Variants in USP16 observed in about 807,000 individuals in gnomAD.
The protein encoded by USP16 is ubiquitin carboxyl-terminal hydrolase 16.
A neutral mutation model predicts 95.9 loss-of-function variants in USP16; 77 were observed. That is an observed-to-expected ratio of 0.80 (90% CI 0.67 to 0.97). The LOEUF is 0.97. Ranked by LOEUF, USP16 falls within the 50% of genes least tolerant of loss-of-function variation. The pLI, the probability that USP16 is intolerant of heterozygous loss-of-function variation, is 0.00. For synonymous variants in USP16, 303 were observed against 318.2 expected, an observed-to-expected ratio of 0.95 and a Z score of 0.51; for missense variants, 943 against 959.9, an observed-to-expected ratio of 0.98 and a Z score of 0.23.
At chr21:29,028,797 A>T (rs2085033251) in intron 2 of USP16, among the ~76,000 whole-genome samples, 1 of 152,206 alleles carries the variant, frequency 6.6e-6, no homozygotes, top group Admixed American at 6.5e-5. Context: ...TATATTTCAT[A>T]ATTTATTTAG....
chr21:29,037,445 C>G lies in USP16; in HGVS notation c.618C>G (p.Phe206Leu). ...KGLSNLGNTC[F>L]FNAVMQNLSQ... The stretch of plus-strand genomic sequence containing the variant: ...TCAGTAATTTGGGAAACACATGTTT[C>G]TTCAATGCAGTTATGCAGGTACATT... The change falls in exon 6 of 18, where the codon TTC (phenylalanine) becomes TTG (leucine). Residue 206 changes from phenylalanine to leucine, a missense_variant. By Grantham distance (22) the Phe-to-Leu change is conservative (BLOSUM62 0). Transcript: ENST00000399976. 1 of 1,593,448 alleles carries G rather than the reference C, an allele frequency of 6.3e-7. No homozygotes were observed.
chr21:29,041,281 T>C (rs1194633724), intron 10 of USP16, among the ~76,000 whole-genome samples: 1 of 152,208 alleles, frequency 6.6e-6, no homozygotes, highest in African/African-American at 2.4e-5. Flanking sequence ...CTTGGTGCCC[T>C]TTAGAGCCTG....
intron 15 of USP16, among the ~76,000 whole-genome samples, chr21:29,049,249 A>G (rs996489341): frequency 6.6e-6 from 1 of 152,150 alleles, no homozygotes; most frequent in African/African-American, 2.4e-5. Context: ...TTGGATTGTC[A>G]TCATTTTGGT....
At chr21:29,029,196 G>A (rs1308661349) in intron 2 of USP16, among the ~76,000 whole-genome samples, 4 of 152,218 alleles carry the variant, frequency 2.6e-5, no homozygotes, top group Non-Finnish European at 4.4e-5. Flanking sequence ...GGCAGATCAC[G>A]AGGTCAGGAG....
At chr21:29,049,850 C>T (rs946554389) in intron 15 of USP16, among the ~76,000 whole-genome samples, 2 of 152,172 alleles carry the variant, frequency 1.3e-5, no homozygotes, top group Admixed American at 6.5e-5. Context: ...CATGTGCCAT[C>T]GTGTCCAGCT....
chr21:29,027,235 A>G (rs1338837430), intron 1 of USP16, among the ~76,000 whole-genome samples: 3 of 152,232 alleles, frequency 2.0e-5, no homozygotes, highest in Non-Finnish European at 2.9e-5. Flanking sequence ...TAGCCTTCCA[A>G]AGTGGTTTTG....
rs141602051 is a variant in USP16 at position 29,025,985 on chromosome 21, A to G, written c.-42+1208A>G. On this transcript the variant is annotated intron_variant, in intron 1 of 17. Transcript: ENST00000399976. The stretch of plus-strand genomic sequence containing the variant: ...TATGGGATAAGGGGACAAGATGACT[A>G]GAGCATACCATAAATACTGGGGAAG... 7.2e-3 allele frequency among the ~76,000 whole-genome samples: 1,097 copies of G among 152,378 alleles called. 12 individuals carry two copies. The highest frequency in any genetic ancestry group is 0.025 in the African/African-American group (1,039 of 41,586).
intron 3 of USP16, among the ~76,000 whole-genome samples, chr21:29,034,592 C>T (rs980773544): frequency 2.6e-5 from 4 of 152,118 alleles, no homozygotes; most frequent in African/African-American, 7.2e-5. Flanking sequence ...GCTGGGATTA[C>T]AGGTGTGAGC....
At chr21:29,033,455 C>T (rs934061844) in intron 3 of USP16, among the ~76,000 whole-genome samples, 2 of 152,288 alleles carry the variant, frequency 1.3e-5, no homozygotes, top group Non-Finnish European at 2.9e-5. Context: ...AATGGAAACA[C>T]GACCGGTTGT....
chr21:29,043,301 A>G, intron 12 of USP16, 122 bp from the exon 13 acceptor site: 3 of 676,736 alleles, frequency 4.4e-6, no homozygotes, highest in Non-Finnish European at 2.1e-6. Flanking sequence ...ATTTTCAAAT[A>G]TTGTGGAAAA....
At chr21:29,036,926 A>G (rs2085165928) in intron 5 of USP16, among the ~76,000 whole-genome samples, 2 of 152,208 alleles carry the variant, frequency 1.3e-5, no homozygotes, top group African/African-American at 4.8e-5. Context: ...AATTTATTTC[A>G]TGTCCATGTT....
intron 6 of USP16, among the ~76,000 whole-genome samples, chr21:29,037,812 CTGGGCTT>C (rs2085183981): frequency 6.6e-6 from 1 of 152,156 alleles, no homozygotes; most frequent in African/African-American, 2.4e-5. Context: ...TCTTGAACTC[CTGGGCTT>C]AAGCCGTCCA....
At chr21:29,036,187 C>T in intron 4 of USP16, 84 bp from the exon 5 acceptor site, 2 of 1,171,464 alleles carry the variant, frequency 1.7e-6, no homozygotes, top group African/African-American at 3.1e-5. Context: ...GGCAGTTACA[C>T]ACTTTGATTC....
chr21:29,030,482 G>T (rs1009654650), intron 2 of USP16, 113 bp from the exon 3 acceptor site: 49 of 953,956 alleles, frequency 5.1e-5, no homozygotes, highest in Non-Finnish European at 5.9e-5. Flanking sequence ...TATCTTAACA[G>T]TTTATAGAGT....
In USP16 at chr21:29,046,813, G is replaced by A. The variant is rs778648132; in HGVS notation, c.1503G>A (p.Glu501=). The change falls in exon 14 of 18, where the codon GAG becomes GAA. Residue 501 remains glutamate (E), a synonymous_variant. Coordinates refer to ENST00000399976, the MANE Select transcript of USP16 (RefSeq NM_006447.3). The part of the protein sequence containing the change: ...VNIKSNHISQ[E]GVMHKEYCVN... ...TTAAATCCAACCATATTTCACAAGA[G>A]GGTGTTATGCATAAAGAATATTGTG... The A allele has an allele frequency of 2.5e-6, 4 of 1,614,108 alleles. No individual in the cohort carries two copies. In the South Asian group the frequency reaches 4.4e-5, roughly 18 times the overall value.
At chr21:29,044,050 A>G (rs2085284997) in intron 13 of USP16, among the ~76,000 whole-genome samples, 1 of 151,912 alleles carries the variant, frequency 6.6e-6, no homozygotes, top group African/African-American at 2.4e-5. Context: ...CTCGTGCCTC[A>G]GCCTCCTGAG....
intron 6 of USP16, among the ~76,000 whole-genome samples, chr21:29,038,012 A>G (rs1185520146): frequency 6.6e-6 from 1 of 152,250 alleles, no homozygotes; most frequent in African/African-American, 2.4e-5. Flanking sequence ...GAGGAAACAC[A>G]GGATAACCTC....
Position 29,047,019 on chromosome 21 carries a change from T to C in USP16, c.1709T>C (p.Val570Ala). 4 of 1,614,132 alleles carry C rather than the reference T, an allele frequency of 2.5e-6. No individual in the cohort carries two copies. The highest frequency in any genetic ancestry group is 3.4e-6 in the Non-Finnish European group (4 of 1,180,026). ...CTAACGGAAGGGAGCAATGGAGAAG[T>C]GGACATTTCCAATGGTTTCAAAAAC... ...AYLTEGSNGEVDISNGFKNLN... is the reference protein window; with the variant it reads ...AYLTEGSNGEADISNGFKNLN... Residue 570 changes from valine to alanine, a missense_variant, in exon 14 of 18, where the codon GTG becomes GCG. Transcript: ENST00000399976.
Position 29,040,710 on chromosome 21 carries a change from A to G in USP16, c.1030+23A>G, listed in dbSNP as rs754636715. On this transcript the variant is annotated intron_variant, in intron 10 of 17. Coordinates refer to ENST00000399976, the MANE Select transcript of USP16 (RefSeq NM_006447.3). The stretch of plus-strand genomic sequence containing the variant: ...AAGGTAATGTCTGACTTTTTGAACT[A>G]AAACACTATAGTTGAATTCCTCTGT... 8 of 1,341,172 alleles carry G rather than the reference A, an allele frequency of 6.0e-6. No individual in the cohort carries two copies. In the East Asian group the frequency reaches 1.2e-4, roughly 20 times the overall value. The allele number at this position is 1,341,172 out of a possible 1,614,324, so 83.1% of individuals were successfully genotyped here.
Sources: gnomAD v4.1 joint callset for allele counts (sites outside exome capture counted in the v4.1 genomes callset) on GRCh38, gnomAD v4.1.1 for gene constraint, MANE v1.5 for transcripts, NCBI Gene and HGNC (gene_info 2026-07-23, HGNC 2026-07-21) for gene names.